The following SLC5A12 variants were observed in gnomAD, a reference collection of about 807,000 sequenced individuals.
SLC5A12 encodes the protein solute carrier family 5 member 12, also known as sodium-coupled monocarboxylate transporter 2.
In SLC5A12, 46 loss-of-function variants were observed where a neutral mutation model predicts 72.7. That is an observed-to-expected ratio of 0.63 (90% CI 0.50 to 0.81). The LOEUF is 0.81. Ranked by LOEUF, SLC5A12 falls within the 30% of genes least tolerant of loss-of-function variation. The probability of loss-of-function intolerance (pLI) is 0.00; values close to 1 mark genes in which losing one functional copy is unlikely to be tolerated. For missense variants in SLC5A12, 683 were observed against 740.7 expected (o/e 0.92, Z 0.90); for synonymous variants, 275 against 264.4 (o/e 1.04, Z -0.39).
intron 11 of SLC5A12, among the ~76,000 whole-genome samples, chr11:26,682,252 T>G (rs1854425496): frequency 3.3e-5 from 5 of 152,056 alleles, no homozygotes; most frequent in Admixed American, 3.3e-4. Context: ...TTCTTTTGAC[T>G]TTTTTCCCAA....
rs1854115633 is a variant in SLC5A12, at chr11:26,670,575, T to C, written c.*527A>G. 1 of 152,114 alleles carries C rather than the reference T, an allele frequency of 6.6e-6. No homozygotes were observed. Among genetic ancestry groups the C allele is most frequent in the Non-Finnish European group, 1.5e-5 (1 of 68,068 alleles). The allele number at this position is 152,114 out of a possible 1,614,324, so 9.4% of individuals were successfully genotyped here. A position where few individuals can be genotyped will look rare whatever the true frequency, so the allele number is the denominator to read the frequency against. Reference sequence around the variant, plus strand: ...TGAAGGGAGGTTAATAGTAGTTGTATGCCAATTGTAGCTACAGGATGGGAG... The same window carrying C: ...TGAAGGGAGGTTAATAGTAGTTGTACGCCAATTGTAGCTACAGGATGGGAG... On this transcript the variant is annotated 3_prime_UTR_variant, in exon 15 of 15. Transcript: ENST00000396005.
At chr11:26,683,231 A>G (rs1182181089) in intron 11 of SLC5A12, among the ~76,000 whole-genome samples, 1 of 152,190 alleles carries the variant, frequency 6.6e-6, no homozygotes, top group Non-Finnish European at 1.5e-5. Flanking sequence ...TAGTTATCCA[A>G]CCAACATTTA....
chr11:26,721,576 G>C lies in SLC5A12; in HGVS notation c.139C>G (p.Gln47Glu), dbSNP rs769764517. 6 of 1,614,132 alleles carry C rather than the reference G, an allele frequency of 3.7e-6. No homozygotes were observed. Among genetic ancestry groups the C allele is most frequent in the Non-Finnish European group, 5.1e-6 (6 of 1,180,022 alleles). Residue 47 changes from glutamine to glutamate, a missense_variant, in exon 1 of 15, where the codon CAA becomes GAA. Physicochemically the swap from Gln to Glu is conservative, Grantham distance 29. Transcript: ENST00000396005. ...AAGCCGACAGGGCCAAAGCTCATTTGCCTTCCCCCAACCAGGAACTCTCGG... is the reference window on the plus strand; with the variant it reads ...AAGCCGACAGGGCCAAAGCTCATTTCCCTTCCCCCAACCAGGAACTCTCGG... ...TSREFLVGGR[Q>E]MSFGPVGLSL...
intron 6 of SLC5A12, among the ~76,000 whole-genome samples, chr11:26,703,049 C>T (rs1224584492): frequency 6.6e-6 from 1 of 152,122 alleles, no homozygotes; most frequent in Non-Finnish European, 1.5e-5. Flanking sequence ...CAGTGGAGGC[C>T]TTCAGCTACT....
intron 6 of SLC5A12, among the ~76,000 whole-genome samples, chr11:26,700,184 A>T (rs576306041): frequency 1.3e-5 from 2 of 152,200 alleles, no homozygotes; most frequent in Admixed American, 6.5e-5. Context: ...TTATATAGCC[A>T]TACAGAGGAC....
chr11:26,681,129 C>A lies in SLC5A12; in HGVS notation c.1401G>T (p.Trp467Cys). 6.2e-7 allele frequency: 1 copy of A among 1,611,468 alleles called. No individual in the cohort carries two copies. The highest frequency in any genetic ancestry group is 1.7e-5 in the Admixed American group (1 of 59,714). ...ATTGGTCTGTTGACAGAGGCAAAGG[C>A]CATGTCTTAGAGGCTGGTGCAGGGT... ...FIYPAPASKT[W>C]PLPLSTDQCI... The change falls in exon 12 of 15, where the codon TGG (tryptophan) becomes TGT (cysteine). Residue 467 changes from tryptophan (W) to cysteine (C), a missense_variant. Physicochemically the swap from Trp to Cys is radical, Grantham distance 215. Coordinates refer to ENST00000396005, the MANE Select transcript of SLC5A12 (RefSeq NM_178498.4).
chr11:26,678,663 G>A (rs768543502), intron 13 of SLC5A12, 49 bp downstream of exon 13: 2 of 1,344,556 alleles, frequency 1.5e-6, no homozygotes, highest in East Asian at 2.3e-5. Flanking sequence ...ACCAATGCAT[G>A]CATGAGCCCA....
intron 13 of SLC5A12, among the ~76,000 whole-genome samples, chr11:26,676,379 G>C (rs1049022260): frequency 4.8e-5 from 7 of 144,986 alleles, no homozygotes; most frequent in African/African-American, 1.5e-4. Flanking sequence ...AAAAAAAAAA[G>C]AAAACAGGTA....
At chr11:26,685,044 A>G (rs1350094556) in intron 10 of SLC5A12, among the ~76,000 whole-genome samples, 2 of 152,222 alleles carry the variant, frequency 1.3e-5, no homozygotes, top group Non-Finnish European at 1.5e-5. Flanking sequence ...AACAGTAGTT[A>G]ATGGCCTATT....
At chr11:26,689,088 T>TAA (rs1333244571) in intron 9 of SLC5A12, among the ~76,000 whole-genome samples, 1 of 99,506 alleles carries the variant, frequency 1.0e-5, no homozygotes. Context: ...AGAAGGACGT[T>TAA]ACAAAAAAAA....
chr11:26,680,410 T>TATATA (rs1565185861), intron 12 of SLC5A12, among the ~76,000 whole-genome samples: 4 of 138,596 alleles, frequency 2.9e-5, no homozygotes, highest in Non-Finnish European at 4.7e-5. Flanking sequence ...TATATATATA[T>TATATA]TTCCTCATTT....
rs1012315199 is a variant in SLC5A12, at chr11:26,698,386, G to C, written c.951+20C>G. The C allele has an allele frequency of 6.2e-7, 1 of 1,611,856 alleles. No individual in the cohort carries two copies. Among genetic ancestry groups the C allele is most frequent in the Non-Finnish European group, 8.5e-7 (1 of 1,179,192 alleles). On this transcript the variant is annotated intron_variant, in intron 7 of 14. Coordinates refer to ENST00000396005, the MANE Select transcript of SLC5A12 (RefSeq NM_178498.4). Reference sequence around the variant, plus strand: ...ACGCTCATTCCAGACACTCGCCACTGTCCTCAAGAAAACCCATACCTGGTC... The same window carrying C: ...ACGCTCATTCCAGACACTCGCCACTCTCCTCAAGAAAACCCATACCTGGTC...
In SLC5A12 at chr11:26,705,902, G is replaced by A. The variant is rs116112980; in HGVS notation, c.526-1955C>T. 7.8e-3 allele frequency among the ~76,000 whole-genome samples: 1,169 copies of A among 149,404 alleles called. 19 individuals are homozygous for A. The highest frequency in any genetic ancestry group is 0.027 in the African/African-American group (1,106 of 40,574). On this transcript the variant is annotated intron_variant, in intron 4 of 14. Transcript: ENST00000396005. ...CCTGTCTGACTCCTTCATACAGCGAGTCCTCACCTCTTTTCTCTGTCATAC... is the reference window on the plus strand; with the variant it reads ...CCTGTCTGACTCCTTCATACAGCGAATCCTCACCTCTTTTCTCTGTCATAC...
At chr11:26,693,822 T>A (rs371747928) in intron 8 of SLC5A12, among the ~76,000 whole-genome samples, 2 of 152,180 alleles carry the variant, frequency 1.3e-5, no homozygotes, top group Non-Finnish European at 2.9e-5. Context: ...CCAAGACCCA[T>A]ATCTGAAAAC....
intron 7 of SLC5A12, 103 bp from the exon 8 acceptor site, chr11:26,697,355 G>T: frequency 2.0e-6 from 2 of 981,316 alleles, no homozygotes; most frequent in Non-Finnish European, 3.0e-6. Flanking sequence ...TCTCATCAGT[G>T]TTTGAAATGT....
chr11:26,700,183 C>T (rs965420422), intron 6 of SLC5A12, among the ~76,000 whole-genome samples: 2 of 152,082 alleles, frequency 1.3e-5, no homozygotes, highest in African/African-American at 4.8e-5. Context: ...GTTATATAGC[C>T]ATACAGAGGA....
intron 7 of SLC5A12, among the ~76,000 whole-genome samples, chr11:26,698,028 G>GCTGGGATTA (rs1274248742): frequency 6.6e-6 from 1 of 151,020 alleles, no homozygotes; most frequent in Non-Finnish European, 1.5e-5. Context: ...CTCTTGAGTA[G>GCTGGGATTA]CTGGGATTAC....
intron 9 of SLC5A12, among the ~76,000 whole-genome samples, chr11:26,688,133 C>G (rs1316300754): frequency 6.6e-6 from 1 of 152,140 alleles, no homozygotes; most frequent in Non-Finnish European, 1.5e-5. Flanking sequence ...ATCCTTCCAC[C>G]AGATTGCAAC....
Position 26,669,578 on chromosome 11 carries a change from TTGAG to T in SLC5A12, c.*1520_*1523del, listed in dbSNP as rs1276819905. On this transcript the variant is annotated 3_prime_UTR_variant, in exon 15 of 15. Transcript: ENST00000396005. ...CTCTTTCTCCATTCTCCTTTTCTAT[TTGAG>T]TGGAGGGAGAGAAGGCAAGGATTGG... is the stretch of plus-strand genomic sequence containing the variant. The T allele has an allele frequency of 6.6e-6, 1 of 151,946 alleles. No individual in the cohort carries two copies. Among genetic ancestry groups the T allele is most frequent in the South Asian group, 2.1e-4 (1 of 4,826 alleles). 9.4% of individuals were successfully genotyped at this position (151,946 alleles called of 1,614,324 possible). A position where few individuals can be genotyped will look rare whatever the true frequency, so the allele number is the denominator to read the frequency against.
Sources: allele counts gnomAD v4.1 joint callset (sites outside exome capture counted in the v4.1 genomes callset), GRCh38; gene constraint gnomAD v4.1.1; transcripts MANE v1.5; gene names NCBI Gene and HGNC (gene_info 2026-07-23, HGNC 2026-07-21).